Variants in ARAP2 observed in about 807,000 individuals in gnomAD.
The protein encoded by ARAP2 is arf-GAP with Rho-GAP domain, ANK repeat and PH domain-containing protein 2.
ARAP2 carries 148 observed loss-of-function variants against 194.5 expected under a neutral mutation model. The ratio of observed to expected loss-of-function variants is 0.76; its 90% confidence interval spans 0.67 to 0.87. ARAP2 has a LOEUF of 0.87. ARAP2 is among the 40% of genes least tolerant of loss of function. The probability of loss-of-function intolerance (pLI) is 0.00; values close to 1 mark genes in which losing one functional copy is unlikely to be tolerated. For synonymous variants in ARAP2, 695 were observed against 683.5 expected (o/e 1.02, Z -0.26); for missense variants, 2,128 against 1,989.7 (o/e 1.07, Z -1.32).
At chr4:36,193,068 G>T (rs534846798) in intron 7 of ARAP2, among the ~76,000 whole-genome samples, 1 of 152,278 alleles carries the variant, frequency 6.6e-6, no homozygotes, top group African/African-American at 2.4e-5. Context: ...CAAGAGATGT[G>T]TTTATACCGA....
In ARAP2 at chr4:36,166,932, C is replaced by G. The variant is rs1181512220; in HGVS notation, c.1973G>C (p.Ser658Thr). The G allele has an allele frequency of 1.3e-6, 2 of 1,565,492 alleles. No homozygotes were observed. The highest frequency in any genetic ancestry group is 4.5e-5 in the East Asian group (2 of 44,038). The change falls in exon 10 of 33, where the codon AGC (serine) becomes ACC (threonine). Residue 658 changes from serine to threonine, a missense_variant and splice_region_variant. Ser to Thr is a moderately conservative substitution (Grantham distance 58). Transcript: ENST00000303965. ...FEIITPYRSFSFTAETEKEKQ... is the reference protein window; with the variant it reads ...FEIITPYRSFTFTAETEKEKQ... ...CACAAAATGTTTAAAAATAGCTTAC[C>G]TGAAACTCCTGTAGGGAGTGATTAT...
chr4:36,048,926 A>C (rs1049462845), intron 3 of ARAP2, among the ~76,000 whole-genome samples: 2 of 152,038 alleles, frequency 1.3e-5, no homozygotes, highest in Non-Finnish European at 2.9e-5. Flanking sequence ...CTGGTGTAAG[A>C]TGGTATCTTG....
At chr4:36,175,386 C>T (rs1737648450) in intron 9 of ARAP2, among the ~76,000 whole-genome samples, 1 of 152,162 alleles carries the variant, frequency 6.6e-6, no homozygotes, top group Non-Finnish European at 1.5e-5. Flanking sequence ...TTCACATGTG[C>T]TCTATCACGG....
intron 5 of ARAP2, among the ~76,000 whole-genome samples, chr4:36,030,693 TCTA>T (rs1718769484): frequency 6.6e-6 from 1 of 152,152 alleles, no homozygotes; most frequent in African/African-American, 2.4e-5. Context: ...TTGAATCTAT[TCTA>T]CTTTTATCAG....
chr4:36,133,722 C>T (rs78924667), intron 19 of ARAP2, among the ~76,000 whole-genome samples: 20 of 151,650 alleles, frequency 1.3e-4, no homozygotes, highest in Non-Finnish European at 2.2e-4. Flanking sequence ...TTAGAATTGT[C>T]GATTTTATTT....
rs545365449 is a variant in ARAP2 at position 36,043,758 on chromosome 4, A to G, written n.607+2221T>C. Among the ~76,000 whole-genome samples the G allele has an allele frequency of 1.1e-4, 15 of 130,436 alleles. No individual in the cohort carries two copies. In the East Asian group the frequency reaches 3.6e-3, roughly 31 times the overall value. The allele number at this position is 130,436 out of a possible 152,430, so 85.6% of individuals were successfully genotyped here. On this transcript the variant is annotated intron_variant and non_coding_transcript_variant, in intron 5 of 12. Transcript: ENST00000503225. Reference sequence around the variant, plus strand: ...TGGGGCTGGGACATGTAGGAAGACCATGAGAAAGAAAAATAAAGAAAAGAA... The same window carrying G: ...TGGGGCTGGGACATGTAGGAAGACCGTGAGAAAGAAAAATAAAGAAAAGAA...
At chr4:36,125,807 T>C (rs1462872835) in intron 21 of ARAP2, among the ~76,000 whole-genome samples, 3 of 152,030 alleles carry the variant, frequency 2.0e-5, no homozygotes, top group African/African-American at 7.2e-5. Context: ...AAATCACTTG[T>C]GCTGACTTGG....
chr4:36,080,107 C>T (rs1031194904), intron 31 of ARAP2, 109 bp downstream of exon 31: 1 of 822,732 alleles, frequency 1.2e-6, no homozygotes, highest in Non-Finnish European at 1.9e-6. Context: ...GCCAATTGTA[C>T]ATACATTTAA....
chr4:36,210,786 G>T, intron 5 of ARAP2, 43 bp from the exon 6 acceptor site: 1 of 1,339,374 alleles, frequency 7.5e-7, no homozygotes, highest in Middle Eastern at 2.1e-4. Flanking sequence ...TGCTATATGT[G>T]ATTTAAGACA....
chr4:36,015,407 G>C (rs1173989443), exon 8 of ARAP2: 1 of 152,120 alleles, frequency 6.6e-6, no homozygotes, highest in Non-Finnish European at 1.5e-5. Context: ...TGAGCAATTT[G>C]GGCTATGCGC....
chr4:36,071,716 ATACTT>A (rs1487395392), intron 32 of ARAP2, among the ~76,000 whole-genome samples: 1 of 117,594 alleles, frequency 8.5e-6, no homozygotes, highest in African/African-American at 3.2e-5. Flanking sequence ...TTTTTTTATT[ATACTT>A]TAAGTTTTAG....
chr4:36,218,265 G>T (rs1489073635), intron 2 of ARAP2, among the ~76,000 whole-genome samples: 1 of 152,088 alleles, frequency 6.6e-6, no homozygotes, highest in Admixed American at 6.6e-5. Context: ...AGAGCTAAAT[G>T]ATGAGAACAT....
At chr4:36,095,073 G>T (rs771470717) in intron 27 of ARAP2, among the ~76,000 whole-genome samples, 1 of 152,110 alleles carries the variant, frequency 6.6e-6, no homozygotes, top group Non-Finnish European at 1.5e-5. Flanking sequence ...ATTGACAGGG[G>T]CATCAGACAC....
At chr4:36,072,402 A>G (rs967142449) in intron 32 of ARAP2, among the ~76,000 whole-genome samples, 7 of 152,258 alleles carry the variant, frequency 4.6e-5, no homozygotes, top group African/African-American at 1.7e-4. Flanking sequence ...AGGCTAAGAA[A>G]TTATTATACA....
Position 36,008,183 on chromosome 4 carries a change from G to GA in ARAP2, n.1326-1138dup, listed in dbSNP as rs546441451. 2.5e-3 allele frequency among the ~76,000 whole-genome samples: 387 copies of GA among 151,990 alleles called. 2 individuals are homozygous for GA. The highest frequency in any genetic ancestry group is 4.4e-3 in the Non-Finnish European group (301 of 67,898). ...ACTAATGTCATTTTTTCACAAATTA[G>GA]AAAAAATCTATTCTAAAATTTGTAT... On this transcript the variant is annotated intron_variant and non_coding_transcript_variant, in intron 9 of 12. Coordinates refer to the ARAP2 transcript ENST00000503225.
chr4:36,084,042 C>A (rs948987026), intron 28 of ARAP2, among the ~76,000 whole-genome samples: 2 of 152,050 alleles, frequency 1.3e-5, no homozygotes, highest in East Asian at 1.9e-4. Context: ...GGACTTACAC[C>A]AGCAGTTTAC....
Position 36,006,568 on chromosome 4 carries a change from TG to T in ARAP2, n.1469+334del, listed in dbSNP as rs563180461. ...CAGGGTGTTACAATAGACTGTTCTT[TG>T]TGACAATTTGAGTATATTATGGCAT... On this transcript the variant is annotated intron_variant and non_coding_transcript_variant, in intron 10 of 12. Transcript: ENST00000503225. 2.7e-3 allele frequency: 407 copies of T among 152,302 alleles called. 4 individuals are homozygous for T. Among genetic ancestry groups the T allele is most frequent in the African/African-American group, 9.3e-3 (387 of 41,570 alleles). 9.4% of individuals were successfully genotyped at this position (152,302 alleles called of 1,614,324 possible).
chr4:36,218,063 T>C (rs948696179), intron 2 of ARAP2, among the ~76,000 whole-genome samples: 4 of 152,032 alleles, frequency 2.6e-5, no homozygotes, highest in African/African-American at 9.7e-5. Context: ...CTCTACCAGG[T>C]TTCGTGATTT....
At chr4:36,161,077 A>G (rs1733794402) in intron 12 of ARAP2, among the ~76,000 whole-genome samples, 1 of 151,642 alleles carries the variant, frequency 6.6e-6, no homozygotes, top group Non-Finnish European at 1.5e-5. Context: ...AAAACAGTAA[A>G]TTTTTCCAAA....
Sources: gnomAD v4.1 joint callset for allele counts (sites outside exome capture counted in the v4.1 genomes callset) on GRCh38, gnomAD v4.1.1 for gene constraint, MANE v1.5 for transcripts, NCBI Gene and HGNC (gene_info 2026-07-23, HGNC 2026-07-21) for gene names.